Variants in UCK2 observed in about 807,000 individuals in gnomAD.
UCK2 encodes uridine-cytidine kinase 2, also known as cytidine monophosphokinase 2.
In UCK2, 6 loss-of-function variants were observed where a neutral mutation model predicts 30.8. That is an observed-to-expected ratio of 0.19 (90% CI 0.11 to 0.38). UCK2 has a LOEUF of 0.38. Ranked by LOEUF, UCK2 falls within the 10% of genes least tolerant of loss-of-function variation. The pLI, the probability that UCK2 is intolerant of heterozygous loss-of-function variation, is 1.00. For missense variants in UCK2, 210 were observed against 339.8 expected (o/e 0.62, Z 3.00); for synonymous variants, 125 against 133.6 (o/e 0.94, Z 0.45).
At chr1:165,836,228 C>CAA (rs1285741977) in intron 1 of UCK2, among the ~76,000 whole-genome samples, 2 of 149,568 alleles carry the variant, frequency 1.3e-5, no homozygotes, top group African/African-American at 2.5e-5. Flanking sequence ...GACTCCGTCT[C>CAA]AAAACAAAAA....
At chr1:165,830,882 TGTG>T (rs950006558) in intron 1 of UCK2, among the ~76,000 whole-genome samples, 1 of 150,330 alleles carries the variant, frequency 6.7e-6, no homozygotes, top group Non-Finnish European at 1.5e-5. Flanking sequence ...AAATGAAAAT[TGTG>T]GTGGGTCGAG....
At chr1:165,833,836 C>T (rs796215360) in intron 1 of UCK2, among the ~76,000 whole-genome samples, 2 of 152,158 alleles carry the variant, frequency 1.3e-5, no homozygotes, top group African/African-American at 4.8e-5. Flanking sequence ...GTATGCATGT[C>T]TGTATGCTTT....
intron 1 of UCK2, among the ~76,000 whole-genome samples, chr1:165,858,450 C>T (rs568875338): frequency 4.2e-4 from 64 of 152,196 alleles, no homozygotes; most frequent in Non-Finnish European, 7.6e-4. Context: ...CCTACATTAG[C>T]TCGATTTGCT....
Position 165,863,566 on chromosome 1 carries a change from T to C in UCK2, c.100-26638T>C, listed in dbSNP as rs530586029. ...GTGAGTGAACTTTTTGATGGCAGTG[T>C]GTTTGTAAGTTGGGGACTGCCTGTA... On this transcript the variant is annotated intron_variant, in intron 1 of 6. Coordinates refer to ENST00000367879, the MANE Select transcript of UCK2 (RefSeq NM_012474.5). Among the ~76,000 whole-genome samples, 49 of 152,346 alleles carry C rather than the reference T, an allele frequency of 3.2e-4. No homozygotes were observed. The South Asian group carries it at 4.8e-3, about 15-fold the overall frequency.
intron 5 of UCK2, among the ~76,000 whole-genome samples, chr1:165,905,218 C>T (rs1407969986): frequency 6.6e-6 from 1 of 152,224 alleles, no homozygotes; most frequent in African/African-American, 2.4e-5. Context: ...TGCAGTGGCT[C>T]ACGCCTGTAA....
intron 4 of UCK2, among the ~76,000 whole-genome samples, chr1:165,898,813 T>A (rs1647358214): frequency 6.6e-6 from 1 of 152,196 alleles, no homozygotes; most frequent in Admixed American, 6.5e-5. Context: ...GGGGGTTTCT[T>A]AGGGCCAGCT....
At chr1:165,898,507 C>A (rs1448306159) in intron 4 of UCK2, among the ~76,000 whole-genome samples, 1 of 152,156 alleles carries the variant, frequency 6.6e-6, no homozygotes, top group Non-Finnish European at 1.5e-5. Context: ...CTGCTCCGGT[C>A]ATGTCCTCAG....
Position 165,827,672 on chromosome 1 carries a change from G to T in UCK2, c.-162G>T. On this transcript the variant is annotated 5_prime_UTR_variant, in exon 1 of 7. Transcript: ENST00000367879. ...GCTCTTGGCTCCTTCGGGAAACCCA[G>T]CCCCGTCACCGGGCTCCGAGCGGCT... 3.8e-6 allele frequency: 2 copies of T among 526,368 alleles called. No individual in the cohort carries two copies. The highest frequency in any genetic ancestry group is 5.9e-6 in the Non-Finnish European group (2 of 340,948). 32.6% of individuals were successfully genotyped at this position (526,368 alleles called of 1,614,324 possible). A position where few individuals can be genotyped will look rare whatever the true frequency, so the allele number is the denominator to read the frequency against.
At chr1:165,878,734 G>C (rs1422821939) in intron 1 of UCK2, among the ~76,000 whole-genome samples, 1 of 152,224 alleles carries the variant, frequency 6.6e-6, no homozygotes, top group Non-Finnish European at 1.5e-5. Context: ...CATCTTGGTT[G>C]CTTGCTTCCA....
chr1:165,828,025 G>A (rs1308870810), intron 1 of UCK2, 93 bp downstream of exon 1: 3 of 1,001,920 alleles, frequency 3.0e-6, no homozygotes, highest in South Asian at 4.9e-5. Flanking sequence ...AGTTGCGGCA[G>A]CCACCGCGTG....
intron 1 of UCK2, among the ~76,000 whole-genome samples, chr1:165,850,501 A>G (rs1200047400): frequency 2.0e-5 from 3 of 151,552 alleles, no homozygotes; most frequent in East Asian, 1.9e-4. Context: ...GTGCAGTGGC[A>G]TGATCACAGC....
At chr1:165,843,075 T>C (rs1344104564) in intron 1 of UCK2, among the ~76,000 whole-genome samples, 2 of 135,146 alleles carry the variant, frequency 1.5e-5, no homozygotes, top group East Asian at 4.5e-4. Flanking sequence ...GAATTGAGGT[T>C]TGCATCCTGT....
intron 1 of UCK2, among the ~76,000 whole-genome samples, chr1:165,828,980 G>A (rs1325377537): frequency 6.6e-6 from 1 of 152,176 alleles, no homozygotes; most frequent in Non-Finnish European, 1.5e-5. Flanking sequence ...CTCCCGGCTG[G>A]GGAGAGCAGA....
At chr1:165,847,947 C>T (rs780621944) in intron 1 of UCK2, among the ~76,000 whole-genome samples, 4 of 152,096 alleles carry the variant, frequency 2.6e-5, no homozygotes, top group Admixed American at 6.6e-5. Flanking sequence ...GTGATCTGCC[C>T]ACTTTGGCCT....
chr1:165,838,613 A>G (rs1335966462), intron 1 of UCK2, among the ~76,000 whole-genome samples: 1 of 152,114 alleles, frequency 6.6e-6, no homozygotes, highest in East Asian at 1.9e-4. Flanking sequence ...GGATGTGGAT[A>G]GTTGTCCCTT....
chr1:165,887,780 A>C (rs202007134), intron 1 of UCK2, among the ~76,000 whole-genome samples: 17 of 140,526 alleles, frequency 1.2e-4, no homozygotes, highest in Admixed American at 2.1e-4. Context: ...TTCCCCCCCC[A>C]CCCATCCATC....
intron 1 of UCK2, among the ~76,000 whole-genome samples, chr1:165,847,957 T>C (rs1157399071): frequency 1.3e-5 from 2 of 152,098 alleles, no homozygotes; most frequent in African/African-American, 4.8e-5. Context: ...CACTTTGGCC[T>C]CCCAAAGTGC....
intron 1 of UCK2, among the ~76,000 whole-genome samples, chr1:165,840,850 T>TA (rs1331272211): frequency 2.0e-5 from 3 of 152,116 alleles, no homozygotes; most frequent in Admixed American, 6.6e-5. Flanking sequence ...AGCATCTTTT[T>TA]AAAAAAACCT....
chr1:165,837,529 A>G (rs1654225886), intron 1 of UCK2, among the ~76,000 whole-genome samples: 1 of 152,182 alleles, frequency 6.6e-6, no homozygotes, highest in South Asian at 2.1e-4. Context: ...AAGCCTTTGC[A>G]GGTGTTGCTC....
Sources: gnomAD v4.1 joint callset for allele counts (sites outside exome capture counted in the v4.1 genomes callset) on GRCh38, gnomAD v4.1.1 for gene constraint, MANE v1.5 for transcripts, NCBI Gene and HGNC (gene_info 2026-07-23, HGNC 2026-07-21) for gene names.